The following HS2ST1 variants were observed in gnomAD, a reference collection of about 807,000 sequenced individuals.
HS2ST1 encodes the protein heparan sulfate 2-O-sulfotransferase 1.
Under a neutral mutation model 42.9 loss-of-function variants are expected in HS2ST1, and 18 were observed. The observed-to-expected ratio is 0.42, with a 90% CI of 0.29 to 0.62. The LOEUF is 0.62. Ranked by LOEUF, HS2ST1 falls within the 20% of genes least tolerant of loss-of-function variation. The pLI is 0.21. For missense variants in HS2ST1, 334 were observed against 433.8 expected (o/e 0.77, Z 2.04); for synonymous variants, 146 against 152.9 (o/e 0.95, Z 0.33).
At chr1:87,036,661 A>G (rs1650382741) in intron 1 of HS2ST1, among the ~76,000 whole-genome samples, 1 of 152,156 alleles carries the variant, frequency 6.6e-6, no homozygotes, top group Admixed American at 6.5e-5. Flanking sequence ...GATATTTCCA[A>G]TTTTGTAGAA....
At chr1:87,044,226 G>C (rs1027520527) in intron 1 of HS2ST1, among the ~76,000 whole-genome samples, 3 of 152,064 alleles carry the variant, frequency 2.0e-5, no homozygotes, top group African/African-American at 7.2e-5. Flanking sequence ...CCAGTTCTTA[G>C]CTTTCTAGTT....
intron 1 of HS2ST1, among the ~76,000 whole-genome samples, chr1:87,007,498 A>G (rs1050534096): frequency 2.0e-5 from 3 of 152,112 alleles, no homozygotes; most frequent in East Asian, 3.9e-4. Context: ...TGAGAGCATT[A>G]TATTGGTAAT....
intron 1 of HS2ST1, among the ~76,000 whole-genome samples, chr1:86,941,360 CT>C (rs113797087): frequency 0.12 from 17,957 of 151,988 alleles, 1,731 homozygotes; most frequent in African/African-American, 0.26. Context: ...TGGGGAGGGG[CT>C]GCCAGGTTGA....
At chr1:87,008,831 T>C (rs1649513163) in intron 1 of HS2ST1, among the ~76,000 whole-genome samples, 1 of 152,040 alleles carries the variant, frequency 6.6e-6, no homozygotes, top group Non-Finnish European at 1.5e-5. Context: ...GAAGGAGTTG[T>C]GTTGTGTTGT....
intron 1 of HS2ST1, among the ~76,000 whole-genome samples, chr1:86,953,426 G>C (rs188372070): frequency 3.9e-5 from 6 of 152,320 alleles, no homozygotes; most frequent in Non-Finnish European, 8.8e-5. Flanking sequence ...AAGAGTCCTA[G>C]CTTTCAGCCT....
At chr1:87,092,474 C>T in intron 3 of HS2ST1, 57 bp from the exon 4 acceptor site, 2 of 1,174,168 alleles carry the variant, frequency 1.7e-6, no homozygotes, top group Non-Finnish European at 2.3e-6. Context: ...AATTTCAGGG[C>T]ACTCCTAAAC....
chr1:87,009,253 A>G (rs945095106), intron 1 of HS2ST1, among the ~76,000 whole-genome samples: 1 of 152,132 alleles, frequency 6.6e-6, no homozygotes, highest in African/African-American at 2.4e-5. Context: ...ATCCCTTTAA[A>G]CTGTGTATAA....
At chr1:87,099,809 T>C (rs1652156391) in intron 5 of HS2ST1, among the ~76,000 whole-genome samples, 1 of 152,202 alleles carries the variant, frequency 6.6e-6, no homozygotes. Flanking sequence ...GGTATAGGCA[T>C]TGGATAAACA....
intron 1 of HS2ST1, among the ~76,000 whole-genome samples, chr1:86,964,544 A>G (rs1051016199): frequency 6.6e-6 from 1 of 152,238 alleles, no homozygotes; most frequent in Non-Finnish European, 1.5e-5. Context: ...AGGCTGAGGC[A>G]GGAGAATCAG....
Position 86,963,801 on chromosome 1 carries a change from T to TC in HS2ST1, c.124+48648dup, listed in dbSNP as rs1411222458. 8.1e-5 allele frequency among the ~76,000 whole-genome samples: 9 copies of TC among 110,562 alleles called. No homozygotes were observed. In the East Asian group the frequency reaches 1.9e-3, roughly 24 times the overall value. 72.5% of individuals were successfully genotyped at this position (110,562 alleles called of 152,430 possible). A position where few individuals can be genotyped will look rare whatever the true frequency, so the allele number is the denominator to read the frequency against. On this transcript the variant is annotated intron_variant, in intron 1 of 6. Coordinates refer to ENST00000370550, the MANE Select transcript of HS2ST1 (RefSeq NM_012262.4). ...GGCCGGGTGGGGGCTGGCCCCCACC[T>TC]CCCCCCCTGGACGGGGCGGCTGGCC... is the stretch of plus-strand genomic sequence containing the variant.
At chr1:87,036,921 T>C (rs1363797082) in intron 1 of HS2ST1, among the ~76,000 whole-genome samples, 1 of 152,184 alleles carries the variant, frequency 6.6e-6, no homozygotes. Flanking sequence ...TTTTGATGCT[T>C]AAAAGGATAA....
intron 1 of HS2ST1, among the ~76,000 whole-genome samples, chr1:86,919,680 C>G (rs748162657): frequency 6.6e-6 from 1 of 152,160 alleles, no homozygotes; most frequent in Non-Finnish European, 1.5e-5. Flanking sequence ...ACATAACTTT[C>G]ATCAGATTTG....
At chr1:87,047,427 C>G (rs1174323009) in intron 1 of HS2ST1, among the ~76,000 whole-genome samples, 1 of 151,990 alleles carries the variant, frequency 6.6e-6, no homozygotes, top group Non-Finnish European at 1.5e-5. Context: ...TCAGTGAAGT[C>G]CACTATATTG....
At chr1:87,054,491 G>A (rs1468730653) in intron 1 of HS2ST1, among the ~76,000 whole-genome samples, 1 of 152,174 alleles carries the variant, frequency 6.6e-6, no homozygotes, top group Non-Finnish European at 1.5e-5. Context: ...TGTAGAAATG[G>A]AGAAAGTTCT....
At chr1:86,926,295 A>G (rs892792579) in intron 1 of HS2ST1, among the ~76,000 whole-genome samples, 1 of 152,156 alleles carries the variant, frequency 6.6e-6, no homozygotes, top group Non-Finnish European at 1.5e-5. Flanking sequence ...ACTGAGAGGT[A>G]CTCTGCTGAA....
intron 1 of HS2ST1, among the ~76,000 whole-genome samples, chr1:86,971,561 G>A (rs1648234412): frequency 6.6e-6 from 1 of 152,108 alleles, no homozygotes; most frequent in Non-Finnish European, 1.5e-5. Flanking sequence ...ATGAAGATGT[G>A]GAATTTGAAT....
At chr1:87,086,127 G>A (rs1212920547) in intron 3 of HS2ST1, among the ~76,000 whole-genome samples, 1 of 152,136 alleles carries the variant, frequency 6.6e-6, no homozygotes, top group Non-Finnish European at 1.5e-5. Context: ...ATAGCCATAT[G>A]CTCCATAAAT....
rs1660106733 is a variant in HS2ST1, at chr1:86,914,929, C to G, written c.-108C>G. On this transcript the variant is annotated 5_prime_UTR_variant, in exon 1 of 7. Transcript: ENST00000370550. ...GCGGTGGTTCTCTCGCTGTCGCTCT[C>G]TCTTTGCCTCGCTCCCGGCTCGGCG... 7.0e-7 allele frequency: 1 copy of G among 1,419,782 alleles called. No individual in the cohort carries two copies. The highest frequency in any genetic ancestry group is 1.2e-5 in the South Asian group (1 of 85,110). 87.9% of individuals were successfully genotyped at this position (1,419,782 alleles called of 1,614,324 possible).
At chr1:86,916,859 T>C (rs1660170009) in intron 1 of HS2ST1, among the ~76,000 whole-genome samples, 1 of 152,236 alleles carries the variant, frequency 6.6e-6, no homozygotes, top group African/African-American at 2.4e-5. Flanking sequence ...AGTTGATTTC[T>C]TAGACACGTT....
Sources: gnomAD v4.1 joint callset for allele counts (sites outside exome capture counted in the v4.1 genomes callset) on GRCh38, gnomAD v4.1.1 for gene constraint, MANE v1.5 for transcripts, NCBI Gene and HGNC (gene_info 2026-07-23, HGNC 2026-07-21) for gene names.